Variants in DCAF1 observed in about 807,000 individuals in gnomAD.
The protein encoded by DCAF1 is DDB1- and CUL4-associated factor 1.
DCAF1 carries 15 observed loss-of-function variants against 128.0 expected under a neutral mutation model. The observed-to-expected ratio is 0.12, with a 90% CI of 0.08 to 0.18. The LOEUF is 0.18. DCAF1 is among the 10% of genes least tolerant of loss of function. The probability of loss-of-function intolerance (pLI) is 1.00; values close to 1 mark genes in which losing one functional copy is unlikely to be tolerated. For missense variants in DCAF1, 988 were observed against 1,649.5 expected, an observed-to-expected ratio of 0.60 and a Z score of 6.95; for synonymous variants, 610 against 603.0, an observed-to-expected ratio of 1.01 and a Z score of -0.17.
intron 6 of DCAF1, among the ~76,000 whole-genome samples, chr3:51,451,372 T>A: frequency 6.6e-6 from 1 of 152,020 alleles, no homozygotes; most frequent in South Asian, 2.1e-4. Context: ...TGCCAGCACC[T>A]TGGGAAACCA....
chr3:51,416,996 A>C (rs554832604), intron 17 of DCAF1, 125 bp from the exon 18 acceptor site: 2 of 1,433,892 alleles, frequency 1.4e-6, no homozygotes, highest in Non-Finnish European at 9.4e-7. Context: ...CTGGACTCCC[A>C]AAGAGGAAAC....
chr3:51,408,007 AAAC>A (rs1553627252), intron 23 of DCAF1, among the ~76,000 whole-genome samples: 1 of 150,138 alleles, frequency 6.7e-6, no homozygotes, highest in Non-Finnish European at 1.5e-5. Context: ...AAAAAAAAAA[AAAC>A]AACCAGATAC....
At chr3:51,485,354 C>T (rs782315297) in intron 2 of DCAF1, among the ~76,000 whole-genome samples, 3 of 152,174 alleles carry the variant, frequency 2.0e-5, no homozygotes, top group Non-Finnish European at 2.9e-5. Flanking sequence ...AAAGAAGAGG[C>T]TAGAAGAGAG....
intron 1 of DCAF1, among the ~76,000 whole-genome samples, chr3:51,497,370 C>T (rs1708339327): frequency 6.6e-6 from 1 of 151,194 alleles, no homozygotes; most frequent in African/African-American, 2.4e-5. Context: ...CGGTGGATCA[C>T]GAGGTCAGGA....
chr3:51,449,366 C>T (rs1317873309), intron 6 of DCAF1, among the ~76,000 whole-genome samples: 1 of 152,094 alleles, frequency 6.6e-6, no homozygotes, highest in African/African-American at 2.4e-5. Flanking sequence ...CGCCATCACG[C>T]CTGGCTAATT....
At chr3:51,457,921 C>T (rs1703100636) in intron 6 of DCAF1, among the ~76,000 whole-genome samples, 1 of 152,168 alleles carries the variant, frequency 6.6e-6, no homozygotes, top group African/African-American at 2.4e-5. Context: ...AAGCACTAAA[C>T]ATGGAAAGAA....
At chr3:51,414,971 A>G (rs1553629846) in intron 18 of DCAF1, 114 bp from the exon 19 acceptor site, 2 of 1,420,938 alleles carry the variant, frequency 1.4e-6, no homozygotes, top group Non-Finnish European at 1.9e-6. Context: ...CTCCACATGG[A>G]TCAATGATTA....
At chr3:51,447,754 C>T (rs1168582046) in intron 6 of DCAF1, among the ~76,000 whole-genome samples, 1 of 152,056 alleles carries the variant, frequency 6.6e-6, no homozygotes, top group East Asian at 1.9e-4. Context: ...TCGAGACGAG[C>T]CTGGTCAACA....
In DCAF1 at chr3:51,499,974, A is replaced by T. The variant is rs1684332396; in HGVS notation, c.-157T>A. On this transcript the variant is annotated 5_prime_UTR_variant, in exon 1 of 25. Transcript: ENST00000684031. Reference sequence around the variant, plus strand: ...CCGCACTCACTCTCCACTCACACACACACACAGCGCGACCACGGCTCCACA... The same window carrying T: ...CCGCACTCACTCTCCACTCACACACTCACACAGCGCGACCACGGCTCCACA... 3.4e-5 allele frequency: 5 copies of T among 145,114 alleles called. No homozygotes were observed. In the South Asian group the frequency reaches 6.7e-4, roughly 19 times the overall value. The allele number at this position is 145,114 out of a possible 1,614,324, so 9.0% of individuals were successfully genotyped here. A position where few individuals can be genotyped will look rare whatever the true frequency, so the allele number is the denominator to read the frequency against.
chr3:51,407,918 G>C (rs1179492433), intron 23 of DCAF1, among the ~76,000 whole-genome samples: 2 of 141,248 alleles, frequency 1.4e-5, no homozygotes, highest in African/African-American at 5.2e-5. Flanking sequence ...CTGGGAGGTG[G>C]AGGTTGCAGT....
intron 2 of DCAF1, among the ~76,000 whole-genome samples, chr3:51,487,848 C>CTATT (rs111392432): frequency 0.018 from 2,654 of 150,042 alleles, 62 homozygotes; most frequent in African/African-American, 0.042. Flanking sequence ...GCCTACCAAA[C>CTATT]TATTTATTTA....
chr3:51,462,361 G>A (rs2108049178), intron 6 of DCAF1, among the ~76,000 whole-genome samples: 1 of 152,318 alleles, frequency 6.6e-6, no homozygotes, highest in Non-Finnish European at 1.5e-5. Context: ...GGAAGTTGCA[G>A]TGAGCTGAGA....
At chr3:51,490,755 T>C (rs563745259) in intron 2 of DCAF1, among the ~76,000 whole-genome samples, 2 of 151,694 alleles carry the variant, frequency 1.3e-5, no homozygotes, top group Non-Finnish European at 2.9e-5. Flanking sequence ...TGAAACCCCA[T>C]CTCTACTAAA....
At chr3:51,443,928 A>G (rs1553639620) in intron 6 of DCAF1, 25 bp from the exon 7 acceptor site, 1 of 1,549,902 alleles carries the variant, frequency 6.5e-7, no homozygotes, top group African/African-American at 1.4e-5. Flanking sequence ...ATTAAATAGT[A>G]CATTTCGGAA....
At chr3:51,476,890 T>C (rs1474235461) in intron 3 of DCAF1, among the ~76,000 whole-genome samples, 1 of 150,650 alleles carries the variant, frequency 6.6e-6, no homozygotes, top group Non-Finnish European at 1.5e-5. Context: ...AAGACCAGCC[T>C]GGCCAACGTG....
Position 51,443,770 on chromosome 3 carries a change from T to A in DCAF1, c.509A>T (p.Gln170Leu), listed in dbSNP as rs1022746047. The change falls in exon 7 of 25, where the codon CAG (glutamine) becomes CTG (leucine). Residue 170 changes from glutamine to leucine, a missense_variant. Gln to Leu is a moderately radical substitution (Grantham distance 113, BLOSUM62 -2). Transcript: ENST00000684031. The stretch of plus-strand genomic sequence containing the variant: ...TTATTCTAACACAGTCCTTACCAGC[T>A]GTGAATTTTCATCTCTATAGTTGGC... The part of the protein sequence containing the change: ...IAANYRDENS[Q>L]LVAIVLRRLR... The A allele has an allele frequency of 1.9e-6, 3 of 1,603,216 alleles. No individual in the cohort carries two copies.
rs2089864738 is a variant in DCAF1, at chr3:51,403,267, C to T, written c.4341G>A (p.Gly1447=). 1 of 1,612,098 alleles carries T rather than the reference C, an allele frequency of 6.2e-7. No homozygotes were observed. Among genetic ancestry groups the T allele is most frequent in the South Asian group, 1.1e-5 (1 of 90,596 alleles). Residue 1447 remains glycine (G), a synonymous_variant, in exon 24 of 25, where the codon GGG becomes GGA. Coordinates refer to ENST00000684031, the MANE Select transcript of DCAF1 (RefSeq NM_001387579.1). ...GAGAGAAGTCATTGTCCCCATCTTC[C>T]CCTGCGTTCTCATTATTGTCGTCCT... The part of the protein sequence containing the change: ...LEEDDNNENA[G]EDGDNDFSPS...
chr3:51,422,207 T>C (rs782316653), intron 14 of DCAF1, 100 bp downstream of exon 14: 8 of 678,160 alleles, frequency 1.2e-5, no homozygotes, highest in Admixed American at 4.3e-5. Flanking sequence ...ACTTCTGTTC[T>C]AAAATCCAAA....
At chr3:51,471,092 G>A in intron 3 of DCAF1, 87 bp from the exon 4 acceptor site, 1 of 752,322 alleles carries the variant, frequency 1.3e-6, no homozygotes, top group Non-Finnish European at 2.1e-6. Flanking sequence ...GGTCAAGGTA[G>A]AAAATAAAAG....
Sources: gnomAD v4.1 joint callset for allele counts (sites outside exome capture counted in the v4.1 genomes callset) on GRCh38, gnomAD v4.1.1 for gene constraint, MANE v1.5 for transcripts, NCBI Gene and HGNC (gene_info 2026-07-23, HGNC 2026-07-21) for gene names.